The following SESTD1 variants were observed in gnomAD, a reference collection of about 807,000 sequenced individuals.
The protein encoded by SESTD1 is SEC14 domain and spectrin repeat-containing protein 1.
SESTD1 carries 43 observed loss-of-function variants against 101.7 expected under a neutral mutation model. The ratio of observed to expected loss-of-function variants is 0.42; its 90% CI spans 0.33 to 0.55. The LOEUF (loss-of-function observed/expected upper bound fraction) is 0.55, where lower values mean the gene tolerates loss of function less well. Among genes scored for constraint, SESTD1 ranks in the 20% least tolerant of loss-of-function variants. The pLI is 0.07. For missense variants in SESTD1, 647 were observed against 815.1 expected, an observed-to-expected ratio of 0.79 and a Z score of 2.51; for synonymous variants, 283 against 286.8, an observed-to-expected ratio of 0.99 and a Z score of 0.13.
At chr2:179,163,061 A>G (rs1575453870) in intron 5 of SESTD1, among the ~76,000 whole-genome samples, 2 of 152,260 alleles carry the variant, frequency 1.3e-5, no homozygotes, top group Non-Finnish European at 2.9e-5. Context: ...GTCCAGTGGA[A>G]TAAGAGACAA....
intron 5 of SESTD1, among the ~76,000 whole-genome samples, chr2:179,154,010 G>A (rs907939718): frequency 3.3e-5 from 5 of 149,776 alleles, no homozygotes; most frequent in Non-Finnish European, 7.4e-5. Flanking sequence ...TTGGGAGACC[G>A]AGGCAAGAGG....
At chr2:179,193,274 T>A (rs1410761951) in intron 1 of SESTD1, among the ~76,000 whole-genome samples, 1 of 152,258 alleles carries the variant, frequency 6.6e-6, no homozygotes, top group Non-Finnish European at 1.5e-5. Flanking sequence ...ACCATTTGCA[T>A]CTGTCTTCAA....
At chr2:179,224,443 T>A (rs2046854937) in intron 1 of SESTD1, among the ~76,000 whole-genome samples, 1 of 152,220 alleles carries the variant, frequency 6.6e-6, no homozygotes, top group Non-Finnish European at 1.5e-5. Context: ...AAATATACTC[T>A]GTATTTTGTC....
At chr2:179,259,295 G>C (rs1041509677) in intron 1 of SESTD1, among the ~76,000 whole-genome samples, 2 of 152,032 alleles carry the variant, frequency 1.3e-5, no homozygotes, top group African/African-American at 4.8e-5. Flanking sequence ...GCAGTGGCGC[G>C]ATCTCGGCTC....
At chr2:179,133,113 G>C (rs1443798863) in intron 9 of SESTD1, among the ~76,000 whole-genome samples, 1 of 152,150 alleles carries the variant, frequency 6.6e-6, no homozygotes, top group Non-Finnish European at 1.5e-5. Flanking sequence ...TAAGGATATA[G>C]GGTGGGAACT....
At chr2:179,243,403 C>T (rs1481999095) in intron 1 of SESTD1, among the ~76,000 whole-genome samples, 2 of 152,164 alleles carry the variant, frequency 1.3e-5, no homozygotes, top group Non-Finnish European at 2.9e-5. Flanking sequence ...AATCCCATTA[C>T]TGGGTATATA....
chr2:179,130,047 T>C (rs1163465066), intron 10 of SESTD1, among the ~76,000 whole-genome samples: 1 of 152,180 alleles, frequency 6.6e-6, no homozygotes, highest in Non-Finnish European at 1.5e-5. Context: ...ATAAAATCTC[T>C]TGATAGCCAT....
intron 1 of SESTD1, among the ~76,000 whole-genome samples, chr2:179,262,713 A>G (rs2047500036): frequency 6.6e-6 from 1 of 152,242 alleles, no homozygotes; most frequent in African/African-American, 2.4e-5. Flanking sequence ...AAGCTTCAAC[A>G]AGTCCTTATA....
chr2:179,220,142 A>G (rs1170811876), intron 1 of SESTD1, among the ~76,000 whole-genome samples: 2 of 152,056 alleles, frequency 1.3e-5, no homozygotes, highest in African/African-American at 2.4e-5. Flanking sequence ...ACCACTTAAA[A>G]ACCCTTTTCA....
intron 8 of SESTD1, among the ~76,000 whole-genome samples, chr2:179,144,511 A>G (rs1486669694): frequency 1.3e-5 from 2 of 152,142 alleles, no homozygotes; most frequent in Admixed American, 1.3e-4. Flanking sequence ...ATGAGAAACT[A>G]CAATTGTAGA....
rs2044826005 is a variant in SESTD1, at chr2:179,124,488, T to C, written c.1043A>G (p.Asp348Gly). ...AALLNAGDEE[D>G]LVELKSLQQQ... ...CTGCAGTGACTTTAGTTCCACAAGA[T>C]CTTCCTCATCGCCAGCATTCAAGAG... is the stretch of plus-strand genomic sequence containing the variant. Residue 348 changes from aspartate to glycine, a missense_variant, in exon 11 of 18, where the codon GAT becomes GGT. By Grantham distance (94) the Asp-to-Gly change is moderately conservative. Around this residue, in one of 3 missense-constraint regions of SESTD1, gnomAD observed 476 missense variants for 562.6 expected, o/e 0.85. Transcript: ENST00000428443. The C allele has an allele frequency of 6.2e-7, 1 of 1,614,128 alleles. No homozygotes were observed. The highest frequency in any genetic ancestry group is 8.5e-7 in the Non-Finnish European group (1 of 1,180,014).
chr2:179,119,770 G>C (rs2044707331), intron 13 of SESTD1, among the ~76,000 whole-genome samples: 1 of 152,106 alleles, frequency 6.6e-6, no homozygotes. Context: ...GTTTAAAAGT[G>C]TGCCGCACCT....
intron 4 of SESTD1, among the ~76,000 whole-genome samples, chr2:179,174,690 G>C (rs2045980830): frequency 6.6e-6 from 1 of 152,192 alleles, no homozygotes; most frequent in South Asian, 2.1e-4. Context: ...AACCCAAAGA[G>C]TGATTCTAGC....
intron 1 of SESTD1, among the ~76,000 whole-genome samples, chr2:179,198,155 C>A (rs2046435366): frequency 6.6e-6 from 1 of 152,124 alleles, no homozygotes; most frequent in South Asian, 2.1e-4. Flanking sequence ...GCAGGGGTTG[C>A]AATCCTAGTC....
intron 5 of SESTD1, among the ~76,000 whole-genome samples, chr2:179,152,204 C>T (rs2105451348): frequency 6.6e-6 from 1 of 152,236 alleles, no homozygotes; most frequent in Non-Finnish European, 1.5e-5. Context: ...TTGCCACTCT[C>T]ACAATAACAA....
chr2:179,221,705 C>A (rs1418341532), intron 1 of SESTD1, among the ~76,000 whole-genome samples: 2 of 150,426 alleles, frequency 1.3e-5, no homozygotes, highest in Admixed American at 1.3e-4. Context: ...ACTGTATGAG[C>A]CTACGAGTTT....
intron 2 of SESTD1, among the ~76,000 whole-genome samples, chr2:179,186,045 CATATACAATATAGTATATT>C (rs1032883221): frequency 2.2e-4 from 31 of 143,030 alleles, no homozygotes; most frequent in Non-Finnish European, 3.9e-4. Flanking sequence ...TATAATATAG[CATATACAATATAGTATATT>C]ATATACAATA....
intron 5 of SESTD1, among the ~76,000 whole-genome samples, chr2:179,167,982 C>G (rs531987703): frequency 1.6e-4 from 24 of 152,258 alleles, no homozygotes; most frequent in African/African-American, 4.6e-4. Flanking sequence ...AGACCAGTCT[C>G]AAACTCCTGA....
intron 16 of SESTD1, among the ~76,000 whole-genome samples, chr2:179,114,837 G>A (rs929446063): frequency 1.3e-5 from 2 of 152,160 alleles, no homozygotes; most frequent in Admixed American, 6.5e-5. Context: ...AAGACTACCA[G>A]GTGGTTCTGG....
Sources: allele counts gnomAD v4.1 joint callset (sites outside exome capture counted in the v4.1 genomes callset), GRCh38; gene constraint gnomAD v4.1.1; regional missense constraint gnomAD v4.1.1; transcripts MANE v1.5; gene names NCBI Gene and HGNC (gene_info 2026-07-23, HGNC 2026-07-21).